The following ATXN2L variants were observed in gnomAD, a reference collection of about 807,000 sequenced individuals.
The protein encoded by ATXN2L is ataxin-2-like protein.
In ATXN2L, 24 loss-of-function variants were observed where a neutral mutation model predicts 120.7. The observed-to-expected ratio is 0.20, with a 90% confidence interval of 0.14 to 0.28. ATXN2L has a LOEUF of 0.28. Among genes scored for constraint, ATXN2L ranks in the 10% least tolerant of loss-of-function variants. The pLI is 1.00. For synonymous variants in ATXN2L, 653 were observed against 568.1 expected, an observed-to-expected ratio of 1.15 and a Z score of -2.13; for missense variants, 1,312 against 1,432.3, an observed-to-expected ratio of 0.92 and a Z score of 1.36.
chr16:28,826,962 C>T lies in ATXN2L; in HGVS notation c.717C>T (p.Asp239=), dbSNP rs1453492946. The change falls in exon 6 of 22, where the codon GAC becomes GAT. Residue 239 remains aspartate (D), a synonymous_variant. Transcript: ENST00000336783. ...GGGAGGGGGGTGACAGCAACAGCGA[C>T]GACTATGACCTCGAGTCTGACATGG... is the stretch of plus-strand genomic sequence containing the variant. ...QRWEGGDSNS[D]DYDLESDMSN... 7.6e-6 allele frequency: 12 copies of T among 1,570,774 alleles called. No individual in the cohort carries two copies. Among genetic ancestry groups the T allele is most frequent in the African/African-American group, 2.7e-5 (2 of 73,868 alleles).
At position 28,823,432 on chromosome 16, in the gene ATXN2L, G is replaced by A. The variant is rs753542700; in HGVS notation, c.173G>A (p.Cys58Tyr). 16 of 1,317,794 alleles carry A rather than the reference G, an allele frequency of 1.2e-5. No homozygotes were observed. The highest frequency in any genetic ancestry group is 1.4e-5 in the Non-Finnish European group (15 of 1,039,476). The allele number at this position is 1,317,794 out of a possible 1,614,324, so 81.6% of individuals were successfully genotyped here. ...GGGCCTCCAGCGGCCGCCTCCCCCTGCCTGGGGCCTGTGGCCGCTGCCGGG... is the reference window on the plus strand; with the variant it reads ...GGGCCTCCAGCGGCCGCCTCCCCCTACCTGGGGCCTGTGGCCGCTGCCGGG... ...PPGPPAAASP[C>Y]LGPVAAAGSG... The change falls in exon 1 of 22, where the codon TGC (cysteine) becomes TAC (tyrosine). Residue 58 changes from cysteine (C) to tyrosine (Y), a missense_variant. Transcript: ENST00000336783.
At position 28,835,738 on chromosome 16, in the gene ATXN2L, A is replaced by C. The variant is rs769470704; in HGVS notation, c.2875A>C (p.Asn959His). The change falls in exon 21 of 22, where the codon AAC becomes CAC. Residue 959 changes from asparagine to histidine, a missense_variant. Coordinates refer to ENST00000336783, the MANE Select transcript of ATXN2L (RefSeq NM_007245.4). ...HHQQLPHGFT[N>H]MAHVTQAHVQ... is the part of the protein sequence containing the mutation. ...CCAGCAGCTGCCCCACGGCTTCACCAACATGGCCCATGTTACCCAGGTAAG... is the reference window on the plus strand; with the variant it reads ...CCAGCAGCTGCCCCACGGCTTCACCCACATGGCCCATGTTACCCAGGTAAG... The C allele has an allele frequency of 1.2e-6, 2 of 1,614,060 alleles. No individual in the cohort carries two copies. The highest frequency in any genetic ancestry group is 4.5e-5 in the East Asian group (2 of 44,868).
intron 12 of ATXN2L, 122 bp from the exon 13 acceptor site, chr16:28,832,695 C>T (rs548216253): frequency 7.1e-7 from 1 of 1,408,962 alleles, no homozygotes; most frequent in East Asian, 2.3e-5. Flanking sequence ...AATTTCACTT[C>T]TGTGATCCTC....
At position 28,835,853 on chromosome 16, in the gene ATXN2L, C is replaced by T. The variant is rs1960399364; in HGVS notation, c.2896-80C>T. ...GCCAAGTCCCTGGTGCCACCCTTGCCATAGTGCTCCCTAACTCTGGCTCTC... is the reference window on the plus strand; with the variant it reads ...GCCAAGTCCCTGGTGCCACCCTTGCTATAGTGCTCCCTAACTCTGGCTCTC... On this transcript the variant is annotated intron_variant, in intron 21 of 21. Transcript: ENST00000336783. The T allele has an allele frequency of 3.2e-6, 5 of 1,586,448 alleles. No homozygotes were observed. In the South Asian group the frequency reaches 5.7e-5, roughly 18 times the overall value.
At position 28,834,361 on chromosome 16, in the gene ATXN2L, T is replaced by C; in HGVS notation, c.2191T>C (p.Tyr731His). ...PAVQAPQMYPYPVSNSVPGQQ... is the reference protein window; with the variant it reads ...PAVQAPQMYPHPVSNSVPGQQ... The stretch of plus-strand genomic sequence containing the variant: ...TCCCCAGGCACCTCAGATGTATCCA[T>C]ATCCTGTATCCAATTCAGTGCCTGG... Residue 731 changes from tyrosine to histidine, a missense_variant, in exon 17 of 22, where the codon TAT becomes CAT. By Grantham distance (83) the Tyr-to-His change is moderately conservative. Coordinates refer to ENST00000336783, the MANE Select transcript of ATXN2L (RefSeq NM_007245.4). The C allele has an allele frequency of 1.2e-6, 2 of 1,613,972 alleles. No individual in the cohort carries two copies. The highest frequency in any genetic ancestry group is 8.5e-7 in the Non-Finnish European group (1 of 1,179,846).
At position 28,823,421 on chromosome 16, in the gene ATXN2L, C is replaced by A; in HGVS notation, c.162C>A (p.Ala54=). 1 of 1,302,584 alleles carries A rather than the reference C, an allele frequency of 7.7e-7. No homozygotes were observed. Among genetic ancestry groups the A allele is most frequent in the Non-Finnish European group, 9.7e-7 (1 of 1,029,040 alleles). 80.7% of individuals were successfully genotyped at this position (1,302,584 alleles called of 1,614,324 possible). ...CGGCTCCTCCCGGGCCTCCAGCGGC[C>A]GCCTCCCCCTGCCTGGGGCCTGTGG... ...TSAAPPGPPA[A]ASPCLGPVAA... Residue 54 remains alanine (A), a synonymous_variant, in exon 1 of 22, where the codon GCC becomes GCA. Coordinates refer to ENST00000336783, the MANE Select transcript of ATXN2L (RefSeq NM_007245.4).
Position 28,825,806 on chromosome 16 carries a change from A to G in ATXN2L, c.430A>G (p.Thr144Ala), listed in dbSNP as rs1207094863. Residue 144 changes from threonine to alanine, a missense_variant, in exon 4 of 22, where the codon ACT becomes GCT. By Grantham distance (58) the Thr-to-Ala change is moderately conservative. Transcript: ENST00000336783. ...TCDVKVKNGT[T>A]YEGIFKTLSS... ...TGATGTAAAGGTGAAAAATGGTACC[A>G]CTTATGAGGGTATCTTCAAGACGCT... is the stretch of plus-strand genomic sequence containing the variant. 2 of 1,614,046 alleles carry G rather than the reference A, an allele frequency of 1.2e-6. No homozygotes were observed. Among genetic ancestry groups the G allele is most frequent in the East Asian group, 4.5e-5 (2 of 44,888 alleles).
intron 5 of ATXN2L, 124 bp from the exon 6 acceptor site, chr16:28,826,738 C>A: frequency 1.7e-6 from 2 of 1,210,082 alleles, no homozygotes; most frequent in Non-Finnish European, 2.2e-6. Flanking sequence ...AACACACGGG[C>A]ACACGTACTC....
At chr16:28,830,311 T>C (rs1295724363) in intron 8 of ATXN2L, among the ~76,000 whole-genome samples, 1 of 152,210 alleles carries the variant, frequency 6.6e-6, no homozygotes, top group Non-Finnish European at 1.5e-5. Context: ...AACTACATTA[T>C]TTGTGTCTTT....
Position 28,836,243 on chromosome 16 carries a change from C to G in ATXN2L, c.3206C>G (p.Ala1069Gly). Residue 1069 changes from alanine to glycine, a missense_variant, in exon 22 of 22, where the codon GCA becomes GGA. Physicochemically the swap from Ala to Gly is moderately conservative, Grantham distance 60. Coordinates refer to ENST00000336783, the MANE Select transcript of ATXN2L (RefSeq NM_007245.4). ...RAEGLQVGQD[A>G]RVLGGE ...GAGGGGCTGCAGGTGGGGCAGGATG[C>G]ACGGGTTCTGGGTGGGGAGTGAGGG... 1 of 1,613,050 alleles carries G rather than the reference C, an allele frequency of 6.2e-7. No homozygotes were observed. Among genetic ancestry groups the G allele is most frequent in the Non-Finnish European group, 8.5e-7 (1 of 1,179,318 alleles).
At chr16:28,826,699 C>G in intron 5 of ATXN2L, 163 bp from the exon 6 acceptor site, 1 of 809,166 alleles carries the variant, frequency 1.2e-6, no homozygotes, top group Non-Finnish European at 1.8e-6. Context: ...TACTCTTCTT[C>G]TCTTGCCTCC....
chr16:28,833,134 A>G lies in ATXN2L; in HGVS notation c.1735A>G (p.Lys579Glu), dbSNP rs777129494. 1.2e-6 allele frequency: 2 copies of G among 1,614,134 alleles called. No individual in the cohort carries two copies. The highest frequency in any genetic ancestry group is 1.7e-6 in the Non-Finnish European group (2 of 1,180,006). ...PRILKEEPKG[K>E]EKEVDGLLTS... The stretch of plus-strand genomic sequence containing the variant: ...GATCTTAAAGGAGGAGCCCAAAGGA[A>G]AGGAGAAAGAGGTTGATGGTCTGTT... Residue 579 changes from lysine to glutamate, a missense_variant, in exon 14 of 22, where the codon AAG becomes GAG. Transcript: ENST00000336783.
In ATXN2L at chr16:28,824,209, A is replaced by G. The variant is rs538479136; in HGVS notation, c.299+651A>G. ...GCATTCGCGCGCCCCGGGAACACCT[A>G]GGGCAGGGACTAGTTCGTGGAGGGG... is the stretch of plus-strand genomic sequence containing the variant. On this transcript the variant is annotated intron_variant, in intron 1 of 21. Coordinates refer to ENST00000336783, the MANE Select transcript of ATXN2L (RefSeq NM_007245.4). 2.8e-6 allele frequency: 3 copies of G among 1,053,334 alleles called. No homozygotes were observed. In the South Asian group the frequency reaches 7.5e-5, roughly 26 times the overall value. The allele number at this position is 1,053,334 out of a possible 1,614,324, so 65.2% of individuals were successfully genotyped here. A position where few individuals can be genotyped will look rare whatever the true frequency, so the allele number is the denominator to read the frequency against.
chr16:28,836,210 G>A lies in ATXN2L; in HGVS notation c.3173G>A (p.Gly1058Glu). Residue 1058 changes from glycine to glutamate, a missense_variant, in exon 22 of 22, where the codon GGA becomes GAA. Coordinates refer to ENST00000336783, the MANE Select transcript of ATXN2L (RefSeq NM_007245.4). ...TCATTAGCTGGGGGAATTTGGCATG[G>A]AAGAGCTGAGGGGCTGCAGGTGGGG... ...EFSLAGGIWH[G>E]RAEGLQVGQD... is the part of the protein sequence containing the mutation. The A allele has an allele frequency of 1.2e-6, 2 of 1,614,096 alleles. No individual in the cohort carries two copies. Among genetic ancestry groups the A allele is most frequent in the Non-Finnish European group, 1.7e-6 (2 of 1,179,988 alleles).
In ATXN2L at chr16:28,830,057, A is replaced by C; in HGVS notation, c.1033A>C (p.Arg345=). The C allele has an allele frequency of 6.2e-7, 1 of 1,608,996 alleles. No homozygotes were observed. Among genetic ancestry groups the C allele is most frequent in the Non-Finnish European group, 8.5e-7 (1 of 1,175,972 alleles). Residue 345 remains arginine (R), a splice_region_variant and synonymous_variant, in exon 8 of 22, where the codon AGG becomes CGG. Transcript: ENST00000336783. ...GCGGGAGAGCCCCAGCTTGGCATCC[A>C]GGTGACTGTTGCAAACAGCCAGGAC... The part of the protein sequence containing the change: ...SGRESPSLAS[R]EGKYIPLPQR...
At chr16:28,827,031 T>A in intron 6 of ATXN2L, 45 bp downstream of exon 6, 1 of 1,386,574 alleles carries the variant, frequency 7.2e-7, no homozygotes, top group East Asian at 2.6e-5. Flanking sequence ...ACAGACAGAA[T>A]GGGTTGTTGA....
rs1203001297 is a variant in ATXN2L at position 28,835,167 on chromosome 16, C to T, written c.2543C>T (p.Pro848Leu). ...STPQYPSAEQ[P>L]TPQALYATVH... ...CCTCAGTACCCTTCTGCAGAGCAGC[C>T]TACCCCCCAAGCCCTTTATGGTGAG... is the stretch of plus-strand genomic sequence containing the variant. Residue 848 changes from proline (P) to leucine (L), a missense_variant, in exon 19 of 22, where the codon CCT (proline) becomes CTT (leucine). Physicochemically the swap from Pro to Leu is moderately conservative, Grantham distance 98. Transcript: ENST00000336783. 1.2e-6 allele frequency: 2 copies of T among 1,612,630 alleles called. No individual in the cohort carries two copies. The highest frequency in any genetic ancestry group is 1.7e-6 in the Non-Finnish European group (2 of 1,179,274).
chr16:28,834,402 C>T lies in ATXN2L; in HGVS notation c.2232C>T (p.Tyr744=), dbSNP rs889600238. The T allele has an allele frequency of 6.2e-6, 10 of 1,614,116 alleles. No homozygotes were observed. Among genetic ancestry groups the T allele is most frequent in the Non-Finnish European group, 4.2e-6 (5 of 1,179,970 alleles). ...SNSVPGQQGK[Y]RGAKGSLPPQ... ...CAGTGCCTGGGCAGCAGGGCAAGTACCGGGGAGCAAAAGGTGAGCAGGGCT... is the reference window on the plus strand; with the variant it reads ...CAGTGCCTGGGCAGCAGGGCAAGTATCGGGGAGCAAAAGGTGAGCAGGGCT... Residue 744 remains tyrosine (Y), a synonymous_variant, in exon 17 of 22, where the codon TAC becomes TAT. Transcript: ENST00000336783.
At position 28,836,988 on chromosome 16, in the gene ATXN2L, G is replaced by T. The variant is rs776364981; in HGVS notation, c.*723G>T. On this transcript the variant is annotated 3_prime_UTR_variant, in exon 22 of 22. Transcript: ENST00000336783. ...GGTGGGGGGTTCCTGCTCTGCCCCT[G>T]CCCGTCCCCACCCAGTCTTGCCCTC... is the stretch of plus-strand genomic sequence containing the variant. 13 of 664,580 alleles carry T rather than the reference G, an allele frequency of 2.0e-5. No homozygotes were observed. Among genetic ancestry groups the T allele is most frequent in the African/African-American group, 1.2e-4 (7 of 56,078 alleles). 41.2% of individuals were successfully genotyped at this position (664,580 alleles called of 1,614,324 possible).
Sources: allele counts gnomAD v4.1 joint callset (sites outside exome capture counted in the v4.1 genomes callset), GRCh38; gene constraint gnomAD v4.1.1; transcripts MANE v1.5; gene names NCBI Gene and HGNC (gene_info 2026-07-23, HGNC 2026-07-21).